Variants in PTPRD observed in about 807,000 individuals in gnomAD.
PTPRD encodes receptor-type tyrosine-protein phosphatase delta.
Under a neutral mutation model 214.5 loss-of-function variants are expected in PTPRD, and 34 were observed. That is an observed-to-expected ratio of 0.16 (90% CI 0.12 to 0.21). PTPRD has a LOEUF of 0.21. PTPRD is among the 10% of genes least tolerant of loss of function. PTPRD has a pLI of 1.00. For synonymous variants in PTPRD, 1,128 were observed against 845.7 expected, an observed-to-expected ratio of 1.33 and a Z score of -5.79; for missense variants, 2,545 against 2,398.7, an observed-to-expected ratio of 1.06 and a Z score of -1.27.
At chr9:9,816,095 A>G (rs1005477776) in intron 5 of PTPRD, among the ~76,000 whole-genome samples, 13 of 152,172 alleles carry the variant, frequency 8.5e-5, no homozygotes, top group African/African-American at 3.1e-4. Flanking sequence ...TTCACCTATC[A>G]TATCACCATA....
chr9:10,160,194 T>C (rs1299584190), intron 3 of PTPRD, among the ~76,000 whole-genome samples: 1 of 152,054 alleles, frequency 6.6e-6, no homozygotes, highest in African/African-American at 2.4e-5. Flanking sequence ...GCAGCTCTAC[T>C]TATATCAGAA....
chr9:9,355,206 G>A (rs1353646990), intron 9 of PTPRD, among the ~76,000 whole-genome samples: 1 of 151,526 alleles, frequency 6.6e-6, no homozygotes, highest in Non-Finnish European at 1.5e-5. Flanking sequence ...TTTATTTTCT[G>A]GTTTTTATAT....
intron 3 of PTPRD, among the ~76,000 whole-genome samples, chr9:10,089,537 G>C (rs117638443): frequency 2.0e-5 from 3 of 151,638 alleles, no homozygotes; most frequent in East Asian, 3.9e-4. Flanking sequence ...TCATAATAAT[G>C]TTGAGGTAAA....
intron 8 of PTPRD, among the ~76,000 whole-genome samples, chr9:9,399,739 T>C (rs2069434450): frequency 6.6e-6 from 1 of 152,022 alleles, no homozygotes; most frequent in Admixed American, 6.6e-5. Context: ...ACACGCTCCT[T>C]TGCTTGCTAC....
chr9:9,669,284 A>AACAC (rs2096780805), intron 7 of PTPRD, among the ~76,000 whole-genome samples: 3 of 152,174 alleles, frequency 2.0e-5, no homozygotes, highest in Admixed American at 2.0e-4. Flanking sequence ...ATACACAAGG[A>AACAC]ACACAACAGA....
intron 11 of PTPRD, among the ~76,000 whole-genome samples, chr9:8,893,956 G>T (rs1407024630): frequency 1.3e-5 from 2 of 150,898 alleles, no homozygotes; most frequent in Non-Finnish European, 3.0e-5. Flanking sequence ...AAAAAAAATA[G>T]ACAAGAAAAG....
At chr9:8,593,817 A>G (rs754050162) in intron 14 of PTPRD, among the ~76,000 whole-genome samples, 3 of 152,186 alleles carry the variant, frequency 2.0e-5, no homozygotes, top group Non-Finnish European at 4.4e-5. Context: ...CCTCCAGAGA[A>G]CCATCATAGC....
rs557858199 is a variant in PTPRD at position 9,711,939 on chromosome 9, C to G, written c.-287+22594G>C. ...AGGGTTGTTCACTGGGAAAATAAGC[C>G]AACAGCATCTCCCTGGGCACAAATA... On this transcript the variant is annotated intron_variant, in intron 7 of 45. Coordinates refer to ENST00000381196, the MANE Select transcript of PTPRD (RefSeq NM_002839.4). Among the ~76,000 whole-genome samples the G allele has an allele frequency of 2.6e-5, 4 of 152,230 alleles. No homozygotes were observed. The South Asian group carries it at 6.2e-4, about 24-fold the overall frequency.
intron 35 of PTPRD, 22 bp from the exon 36 acceptor site, chr9:8,404,682 T>G: frequency 1.3e-6 from 2 of 1,592,530 alleles, no homozygotes; most frequent in Non-Finnish European, 8.6e-7. Context: ...AAACAACACA[T>G]ATACACAAAA....
At chr9:9,208,020 C>CGTTTTTTTTTTT (rs1554981097) in intron 9 of PTPRD, among the ~76,000 whole-genome samples, 1 of 53,260 alleles carries the variant, frequency 1.9e-5, no homozygotes, top group Non-Finnish European at 3.8e-5. Context: ...TATATATCTG[C>CGTTTTTTTTTTT]TTTTTTTTTT....
chr9:9,517,130 A>G (rs1041922451), intron 8 of PTPRD, among the ~76,000 whole-genome samples: 1 of 152,164 alleles, frequency 6.6e-6, no homozygotes, highest in Non-Finnish European at 1.5e-5. Context: ...ATGCTAAATT[A>G]TGCAACATTT....
intron 4 of PTPRD, among the ~76,000 whole-genome samples, chr9:9,957,782 G>A (rs997794144): frequency 2.6e-5 from 4 of 151,686 alleles, no homozygotes; most frequent in African/African-American, 9.7e-5. Flanking sequence ...CTGACTTCAA[G>A]ACTTACTAAA....
chr9:8,571,523 T>G (rs973427337), intron 14 of PTPRD, among the ~76,000 whole-genome samples: 5 of 152,250 alleles, frequency 3.3e-5, no homozygotes, highest in African/African-American at 4.8e-5. Flanking sequence ...AATAAGCATT[T>G]TGCCTAGTTA....
intron 9 of PTPRD, among the ~76,000 whole-genome samples, chr9:9,387,819 T>C (rs746818378): frequency 3.2e-4 from 48 of 152,184 alleles, no homozygotes; most frequent in Non-Finnish European, 5.6e-4. Flanking sequence ...TCCGACCCTA[T>C]GGCAATGTCT....
At chr9:8,578,032 C>T (rs2092648420) in intron 14 of PTPRD, among the ~76,000 whole-genome samples, 1 of 152,100 alleles carries the variant, frequency 6.6e-6, no homozygotes, top group African/African-American at 2.4e-5. Flanking sequence ...GAATACAGAG[C>T]AAATAAACTG....
chr9:10,097,697 G>T (rs1372657140), intron 3 of PTPRD, among the ~76,000 whole-genome samples: 1 of 151,748 alleles, frequency 6.6e-6, no homozygotes, highest in Non-Finnish European at 1.5e-5. Context: ...GGGACAATTT[G>T]ACTTCCTCTT....
chr9:8,453,338 T>A (rs910918223), intron 33 of PTPRD, among the ~76,000 whole-genome samples: 20 of 152,006 alleles, frequency 1.3e-4, no homozygotes, highest in Non-Finnish European at 1.0e-4. Flanking sequence ...TAATTTTTTG[T>A]ATTTTTTAGT....
At chr9:10,143,472 T>C (rs758524843) in intron 3 of PTPRD, among the ~76,000 whole-genome samples, 51 of 152,098 alleles carry the variant, frequency 3.4e-4, no homozygotes, top group Non-Finnish European at 6.3e-4. Context: ...GGATCTAACT[T>C]AGTTCAACCA....
chr9:9,575,394 G>T (rs571879893), intron 7 of PTPRD, among the ~76,000 whole-genome samples: 2 of 151,744 alleles, frequency 1.3e-5, no homozygotes, highest in South Asian at 2.1e-4. Context: ...TTTAAAATAC[G>T]CCAGTTAGTT....
Sources: allele counts gnomAD v4.1 joint callset (sites outside exome capture counted in the v4.1 genomes callset), GRCh38; gene constraint gnomAD v4.1.1; transcripts MANE v1.5; gene names NCBI Gene and HGNC (gene_info 2026-07-23, HGNC 2026-07-21).